The following ZNF469 variants were observed in gnomAD, a reference collection of about 807,000 sequenced individuals.
ZNF469 encodes zinc finger protein 469.
ZNF469 carries 1 observed loss-of-function variant against 1.0 expected under a neutral mutation model. The ratio of observed to expected loss-of-function variants is 1.00; its 90% CI spans 0.35 to 4.73. The LOEUF (loss-of-function observed/expected upper bound fraction) is 4.73. Among genes scored for constraint, ZNF469 ranks in the 30% most tolerant of loss-of-function variants. The pLI is 0.16. For missense variants in ZNF469, 6,100 were observed against 5,356.3 expected (o/e 1.14, Z -4.33); for synonymous variants, 2,703 against 2,363.4 (o/e 1.14, Z -4.17).
Position 88,434,555 on chromosome 16 carries a change from C to G in ZNF469, c.7085C>G (p.Ser2362Cys). ...PPTLQGAGPDSPACLEGEMGT... is the reference protein window; with the variant it reads ...PPTLQGAGPDCPACLEGEMGT... Reference sequence around the variant, plus strand: ...ACGCTACAGGGTGCAGGGCCGGACTCCCCCGCCTGCCTGGAAGGTGAGATG... The same window carrying G: ...ACGCTACAGGGTGCAGGGCCGGACTGCCCCGCCTGCCTGGAAGGTGAGATG... Residue 2362 changes from serine (S) to cysteine (C), a missense_variant, in exon 3 of 3, where the codon TCC becomes TGC. Physicochemically the swap from Ser to Cys is moderately radical, Grantham distance 112. Transcript: ENST00000565624. The G allele has an allele frequency of 6.5e-7, 1 of 1,550,314 alleles. No homozygotes were observed. The highest frequency in any genetic ancestry group is 8.7e-7 in the Non-Finnish European group (1 of 1,146,922).
In ZNF469 at chr16:88,436,534, A is replaced by G; in HGVS notation, c.9064A>G (p.Ser3022Gly). The change falls in exon 3 of 3, where the codon AGC becomes GGC. Residue 3022 changes from serine to glycine, a missense_variant. Coordinates refer to ENST00000565624, the MANE Select transcript of ZNF469 (RefSeq NM_001367624.2). ...SLGDVSPEPPSLERERCDGGL... is the reference protein window; with the variant it reads ...SLGDVSPEPPGLERERCDGGL... ...CGGAGATGTGAGCCCCGAGCCCCCCAGCCTGGAGAGAGAACGCTGTGACGG... is the reference window on the plus strand; with the variant it reads ...CGGAGATGTGAGCCCCGAGCCCCCCGGCCTGGAGAGAGAACGCTGTGACGG... 6.5e-7 allele frequency: 1 copy of G among 1,549,340 alleles called. No homozygotes were observed. Among genetic ancestry groups the G allele is most frequent in the Non-Finnish European group, 8.7e-7 (1 of 1,146,892 alleles).
the ZNF469 span, among the ~76,000 whole-genome samples, chr16:88,314,717 G>A: frequency 2.7e-5 from 4 of 147,604 alleles, no homozygotes; most frequent in Non-Finnish European, 3.0e-5. Context: ...TGATTATGAT[G>A]ATGCTGGTGT....
chr16:88,407,698 C>T (rs1905058323), intron 1 of ZNF469, among the ~76,000 whole-genome samples: 1 of 152,240 alleles, frequency 6.6e-6, no homozygotes, highest in South Asian at 2.1e-4. Context: ...GGTTCCTAGC[C>T]CCCAAGTCCC....
At chr16:88,247,846 T>A in the ZNF469 span, among the ~76,000 whole-genome samples, 3 of 152,252 alleles carry the variant, frequency 2.0e-5, no homozygotes, top group East Asian at 3.8e-4. Flanking sequence ...TATGAATGAG[T>A]GACTGCTTGG....
Position 88,433,385 on chromosome 16 carries a change from G to T in ZNF469, c.5915G>T (p.Gly1972Val), listed in dbSNP as rs573931575. The T allele has an allele frequency of 1.5e-4, 226 of 1,550,224 alleles. No homozygotes were observed. The highest frequency in any genetic ancestry group is 2.0e-4 in the Admixed American group (10 of 50,986). Reference protein sequence around the residue: ...VQVTTLPAVAGHQLGLEADGH... With the variant: ...VQVTTLPAVAVHQLGLEADGH... ...GTGACAACTCTCCCTGCAGTGGCCGGACATCAGCTGGGGCTGGAGGCAGAT... is the reference window on the plus strand; with the variant it reads ...GTGACAACTCTCCCTGCAGTGGCCGTACATCAGCTGGGGCTGGAGGCAGAT... The change falls in exon 3 of 3, where the codon GGA (glycine) becomes GTA (valine). Residue 1972 changes from glycine (G) to valine (V), a missense_variant. Gly to Val is a moderately radical substitution (Grantham distance 109, BLOSUM62 -3). Coordinates refer to ENST00000565624, the MANE Select transcript of ZNF469 (RefSeq NM_001367624.2).
chr16:88,280,842 G>C, the ZNF469 span, among the ~76,000 whole-genome samples: 1 of 152,022 alleles, frequency 6.6e-6, no homozygotes, highest in African/African-American at 2.4e-5. Context: ...TCAGTACTGT[G>C]CTGGTGTCGG....
chr16:88,178,061 A>T, the ZNF469 span: 6 of 152,212 alleles, frequency 3.9e-5, no homozygotes, highest in Non-Finnish European at 7.3e-5. Flanking sequence ...TAGCTTTGAG[A>T]GCTCCCCATC....
the ZNF469 span, among the ~76,000 whole-genome samples, chr16:88,350,382 C>T: frequency 2.0e-5 from 3 of 152,266 alleles, no homozygotes; most frequent in Admixed American, 6.5e-5. Context: ...ATGGGCACCT[C>T]CCGGCGCACC....
At chr16:88,389,659 A>G (rs1042862589) in intron 1 of ZNF469, among the ~76,000 whole-genome samples, 3 of 152,158 alleles carry the variant, frequency 2.0e-5, no homozygotes, top group Non-Finnish European at 4.4e-5. Context: ...CAACCAGGCC[A>G]GGGGAGGGTG....
chr16:88,203,263 A>C, the ZNF469 span, among the ~76,000 whole-genome samples: 27 of 152,256 alleles, frequency 1.8e-4, no homozygotes, highest in South Asian at 4.1e-4. Flanking sequence ...GGACATGGCC[A>C]AGACCCGCGT....
At chr16:88,186,570 A>G in the ZNF469 span, among the ~76,000 whole-genome samples, 1 of 152,056 alleles carries the variant, frequency 6.6e-6, no homozygotes, top group African/African-American at 2.4e-5. Context: ...GGGGACCCGC[A>G]GGGACGAAGA....
At chr16:88,427,253 G>A (rs1422392172) in intron 2 of ZNF469, among the ~76,000 whole-genome samples, 92 bp from the exon 3 acceptor site, 3 of 152,138 alleles carry the variant, frequency 2.0e-5, no homozygotes, top group Admixed American at 6.5e-5. Context: ...CTTCTGGCCC[G>A]GCCACACCCG....
the ZNF469 span, among the ~76,000 whole-genome samples, chr16:88,214,164 T>C: frequency 1.3e-5 from 2 of 152,162 alleles, no homozygotes; most frequent in African/African-American, 2.4e-5. Context: ...CATGAATTAA[T>C]ACAAGGGAAA....
the ZNF469 span, among the ~76,000 whole-genome samples, chr16:88,345,754 C>G: frequency 6.6e-6 from 1 of 152,148 alleles, no homozygotes; most frequent in East Asian, 1.9e-4. Context: ...GTGGATGGAA[C>G]TCCCCCGGAC....
intron 1 of ZNF469, among the ~76,000 whole-genome samples, chr16:88,389,730 C>T (rs886088183): frequency 5.3e-5 from 8 of 152,152 alleles, no homozygotes; most frequent in African/African-American, 1.9e-4. Flanking sequence ...GGGAATGGGG[C>T]TCAGGATTCC....
intron 2 of ZNF469, among the ~76,000 whole-genome samples, chr16:88,425,602 G>T (rs1023462923): frequency 2.6e-5 from 4 of 152,192 alleles, no homozygotes; most frequent in African/African-American, 9.7e-5. Flanking sequence ...TAAATTCAGG[G>T]CGACAATCAC....
At chr16:88,158,911 A>G in the ZNF469 span, among the ~76,000 whole-genome samples, 1 of 152,006 alleles carries the variant, frequency 6.6e-6, no homozygotes, top group Non-Finnish European at 1.5e-5. Context: ...GCCTTCCGAC[A>G]TCCTCCTTCC....
the ZNF469 span, among the ~76,000 whole-genome samples, chr16:88,325,962 T>C: frequency 6.6e-6 from 1 of 152,368 alleles, no homozygotes; most frequent in South Asian, 2.1e-4. Context: ...TAACAACACC[T>C]GTCAGTCAGT....
the ZNF469 span, among the ~76,000 whole-genome samples, chr16:88,171,241 C>T: frequency 6.6e-6 from 1 of 152,212 alleles, no homozygotes; most frequent in Non-Finnish European, 1.5e-5. Context: ...AGGGCCTTGG[C>T]CTGTTCTAGC....
Sources: allele counts gnomAD v4.1 joint callset (sites outside exome capture counted in the v4.1 genomes callset), GRCh38; gene constraint gnomAD v4.1.1; transcripts MANE v1.5; gene names NCBI Gene and HGNC (gene_info 2026-07-23, HGNC 2026-07-21).